The following ARHGAP24 variants were observed in gnomAD, a reference collection of about 807,000 sequenced individuals.
ARHGAP24 encodes rho GTPase-activating protein 24.
In ARHGAP24, 50 loss-of-function variants were observed where a neutral mutation model predicts 76.4. That is an observed-to-expected ratio of 0.65 (90% CI 0.52 to 0.83). The LOEUF is 0.83. ARHGAP24 is among the 40% of genes least tolerant of loss of function. The pLI is 0.00. For synonymous variants in ARHGAP24, 345 were observed against 323.3 expected (o/e 1.07, Z -0.72); for missense variants, 930 against 914.2 (o/e 1.02, Z -0.22).
At chr4:85,888,284 C>T (rs1026899487) in intron 3 of ARHGAP24, among the ~76,000 whole-genome samples, 13 of 151,496 alleles carry the variant, frequency 8.6e-5, no homozygotes, top group Non-Finnish European at 1.6e-4. Context: ...ACTTGTAATC[C>T]GGCTACTTGG....
chr4:85,645,311 A>G (rs184629281), intron 2 of ARHGAP24, among the ~76,000 whole-genome samples: 39 of 152,274 alleles, frequency 2.6e-4, no homozygotes, highest in African/African-American at 7.5e-4. Flanking sequence ...GGATAAATTG[A>G]ACTTAATCAT....
intron 3 of ARHGAP24, among the ~76,000 whole-genome samples, chr4:85,921,584 C>T (rs542214603): frequency 1.3e-5 from 2 of 152,000 alleles, no homozygotes; most frequent in African/African-American, 2.4e-5. Flanking sequence ...AGTTAAATAA[C>T]TCCCTGGAAG....
chr4:85,787,137 A>G (rs1869240), intron 3 of ARHGAP24, among the ~76,000 whole-genome samples: 145,321 of 152,256 alleles, frequency 0.95, 69,711 homozygotes, highest in East Asian at 1. Flanking sequence ...ATGTGCTGAC[A>G]GATTGCCCGG....
At chr4:85,478,986 A>G (rs576670970) in intron 1 of ARHGAP24, among the ~76,000 whole-genome samples, 1 of 152,324 alleles carries the variant, frequency 6.6e-6, no homozygotes, top group Admixed American at 6.5e-5. Flanking sequence ...GAGCCACCTG[A>G]ATTCAAGCCC....
At chr4:85,700,411 ATAAAT>A (rs1560591744) in intron 2 of ARHGAP24, among the ~76,000 whole-genome samples, 22,277 of 69,154 alleles carry the variant, frequency 0.32, 2,592 homozygotes, top group East Asian at 0.58. Flanking sequence ...AAAAAAATAA[ATAAAT>A]AAAGAAGAAG....
rs148414380 is a variant in ARHGAP24, at chr4:85,489,560, C to G, written c.-21+14001C>G. Among the ~76,000 whole-genome samples, 694 of 152,238 alleles carry G rather than the reference C, an allele frequency of 4.6e-3. 7 individuals carry two copies. The highest frequency in any genetic ancestry group is 0.015 in the African/African-American group (639 of 41,536). ...ATGGCTCAGCTGGGTGAGACAGACT[C>G]TTCATCTGGAGCAAGGTGAGCCCTT... On this transcript the variant is annotated intron_variant, in intron 1 of 9. Coordinates refer to ENST00000395184, the MANE Select transcript of ARHGAP24 (RefSeq NM_001025616.3).
intron 2 of ARHGAP24, among the ~76,000 whole-genome samples, chr4:85,634,510 G>T (rs1257483854): frequency 1.3e-5 from 2 of 151,828 alleles, no homozygotes; most frequent in Non-Finnish European, 2.9e-5. Flanking sequence ...AATGGTAACT[G>T]TCAGTTTCTT....
chr4:85,997,538 CAGAT>C (rs1475162342), intron 9 of ARHGAP24, among the ~76,000 whole-genome samples: 5 of 152,194 alleles, frequency 3.3e-5, no homozygotes, highest in Admixed American at 1.3e-4. Context: ...GGTAGGTAGA[CAGAT>C]AGATAATATT....
rs536036659 is a variant in ARHGAP24 at position 85,721,477 on chromosome 4, G to C, written c.181-408G>C. Among the ~76,000 whole-genome samples, 9 of 151,864 alleles carry C rather than the reference G, an allele frequency of 5.9e-5. No homozygotes were observed. In the South Asian group the frequency reaches 6.2e-4, roughly 11 times the overall value. ...AGAGAGAAGAGATAATCAAGAGAAG[G>C]CTTATCACAACTATGTCTAAGTCTA... On this transcript the variant is annotated intron_variant, in intron 2 of 9. Coordinates refer to ENST00000395184, the MANE Select transcript of ARHGAP24 (RefSeq NM_001025616.3).
chr4:85,945,126 G>C (rs1327002747), intron 5 of ARHGAP24, among the ~76,000 whole-genome samples: 7 of 151,898 alleles, frequency 4.6e-5, no homozygotes, highest in Admixed American at 4.6e-4. Context: ...GATTATAGGC[G>C]TGAGCCACCG....
intron 2 of ARHGAP24, among the ~76,000 whole-genome samples, chr4:85,575,614 A>G (rs917507462): frequency 3.9e-5 from 6 of 152,218 alleles, no homozygotes; most frequent in Non-Finnish European, 8.8e-5. Context: ...ATGACAAATG[A>G]CCATGGCCTT....
rs554985341 is a variant in ARHGAP24 at position 85,614,628 on chromosome 4, T to C, written c.180+43907T>C. On this transcript the variant is annotated intron_variant, in intron 2 of 9. Coordinates refer to ENST00000395184, the MANE Select transcript of ARHGAP24 (RefSeq NM_001025616.3). ...TTTTAATTATTGACCATATTTCCTA[T>C]CATTGATTAGGCTGGATTTAAATGG... Among the ~76,000 whole-genome samples, 18 of 152,236 alleles carry C rather than the reference T, an allele frequency of 1.2e-4. No individual in the cohort carries two copies. The South Asian group carries it at 3.7e-3, about 32-fold the overall frequency.
At chr4:85,596,905 T>C (rs1719856334) in intron 2 of ARHGAP24, among the ~76,000 whole-genome samples, 1 of 152,024 alleles carries the variant, frequency 6.6e-6, no homozygotes, top group Non-Finnish European at 1.5e-5. Context: ...TAACTAGATA[T>C]CATAATATTT....
chr4:85,874,830 TAA>T (rs550174865), intron 3 of ARHGAP24, among the ~76,000 whole-genome samples: 2 of 11,038 alleles, frequency 1.8e-4, no homozygotes, highest in Non-Finnish European at 3.5e-4. Flanking sequence ...AATTTATATA[TAA>T]AATATATTTT....
At chr4:85,517,063 C>G (rs1724537315) in intron 1 of ARHGAP24, among the ~76,000 whole-genome samples, 1 of 152,110 alleles carries the variant, frequency 6.6e-6, no homozygotes, top group South Asian at 2.1e-4. Flanking sequence ...ACACTTTTAT[C>G]ATGTAACAAG....
At position 85,515,595 on chromosome 4, in the gene ARHGAP24, C is replaced by T. The variant is rs1724467416; in HGVS notation, c.-21+40036C>T. Among the ~76,000 whole-genome samples, 4 of 151,918 alleles carry T rather than the reference C, an allele frequency of 2.6e-5. No homozygotes were observed. In the South Asian group the frequency reaches 8.3e-4, roughly 32 times the overall value. ...ATTGACCATATGTCCATAAATCATT[C>T]CATTAGCTGTTTCCAGAACTCTTCC... On this transcript the variant is annotated intron_variant, in intron 1 of 9. Transcript: ENST00000395184.
chr4:85,915,076 C>T (rs1286957822), intron 3 of ARHGAP24, among the ~76,000 whole-genome samples: 1 of 152,186 alleles, frequency 6.6e-6, no homozygotes, highest in East Asian at 1.9e-4. Flanking sequence ...AATGTAATTA[C>T]ATACTGTGAA....
At chr4:85,992,246 G>A (rs1041868708) in intron 8 of ARHGAP24, 2 of 396,430 alleles carry the variant, frequency 5.0e-6, no homozygotes, top group Admixed American at 4.4e-5. Context: ...TGCCGAGCTA[G>A]TCTGTCCTAA....
At chr4:85,951,007 A>T (rs1252429162) in intron 5 of ARHGAP24, among the ~76,000 whole-genome samples, 1 of 152,202 alleles carries the variant, frequency 6.6e-6, no homozygotes, top group African/African-American at 2.4e-5. Flanking sequence ...TTCTTATTCT[A>T]AGTGAAATGG....
Sources: gnomAD v4.1 joint callset for allele counts (sites outside exome capture counted in the v4.1 genomes callset) on GRCh38, gnomAD v4.1.1 for gene constraint, MANE v1.5 for transcripts, NCBI Gene and HGNC (gene_info 2026-07-23, HGNC 2026-07-21) for gene names.